Variants in DPP10 observed in about 807,000 individuals in gnomAD.
DPP10 encodes the protein inactive dipeptidyl peptidase 10.
In DPP10, 33 loss-of-function variants were observed where a neutral mutation model predicts 120.9. The ratio of observed to expected loss-of-function variants is 0.27; its 90% confidence interval spans 0.21 to 0.37. DPP10 has a LOEUF of 0.37. Among genes scored for constraint, DPP10 ranks in the 10% least tolerant of loss-of-function variants. DPP10 has a pLI of 1.00. For synonymous variants in DPP10, 337 were observed against 326.1 expected, an observed-to-expected ratio of 1.03 and a Z score of -0.36; for missense variants, 816 against 942.8, an observed-to-expected ratio of 0.87 and a Z score of 1.76.
intron 1 of DPP10, among the ~76,000 whole-genome samples, chr2:115,035,394 T>C (rs1449319064): frequency 6.6e-6 from 1 of 152,220 alleles, no homozygotes; most frequent in Non-Finnish European, 1.5e-5. Flanking sequence ...CAATATCATA[T>C]TTTTACAATA....
intron 1 of DPP10, among the ~76,000 whole-genome samples, chr2:115,014,121 G>A (rs1222344173): frequency 1.3e-5 from 2 of 152,098 alleles, no homozygotes; most frequent in African/African-American, 2.4e-5. Context: ...AAATGCAGAA[G>A]AATGGAAATC....
intron 1 of DPP10, among the ~76,000 whole-genome samples, chr2:114,812,023 A>G (rs986729670): frequency 1.3e-5 from 2 of 152,170 alleles, no homozygotes; most frequent in African/African-American, 4.8e-5. Context: ...ATTTTCCTCT[A>G]TGCGAGTTTC....
intron 5 of DPP10, among the ~76,000 whole-genome samples, chr2:115,569,423 T>G (rs1243406173): frequency 6.6e-6 from 1 of 152,348 alleles, no homozygotes; most frequent in Middle Eastern, 3.4e-3. Flanking sequence ...ATTACAATTC[T>G]GTGGTGTCAT....
intron 5 of DPP10, among the ~76,000 whole-genome samples, chr2:115,610,081 G>A (rs1839141): frequency 0.99 from 150,368 of 152,166 alleles, 74,324 homozygotes; most frequent in East Asian, 1. Flanking sequence ...TGTGAACTGA[G>A]TCTCTCATAA....
intron 1 of DPP10, among the ~76,000 whole-genome samples, chr2:115,073,590 C>T (rs1209267707): frequency 6.6e-6 from 1 of 152,174 alleles, no homozygotes; most frequent in Non-Finnish European, 1.5e-5. Context: ...TCTGGGTCAC[C>T]TTTGCTTTGA....
chr2:114,700,275 T>C (rs1042501852), intron 1 of DPP10, among the ~76,000 whole-genome samples: 1 of 152,068 alleles, frequency 6.6e-6, no homozygotes, highest in African/African-American at 2.4e-5. Context: ...CCTGCCCCTG[T>C]CCCAATGGCT....
intron 5 of DPP10, among the ~76,000 whole-genome samples, chr2:115,615,047 A>G (rs922846138): frequency 1.2e-4 from 18 of 152,338 alleles, no homozygotes; most frequent in African/African-American, 4.1e-4. Flanking sequence ...AATGATTACA[A>G]GCCAACAAAA....
At chr2:115,297,281 C>T (rs2060927983) in intron 1 of DPP10, 1 of 410,328 alleles carries the variant, frequency 2.4e-6, no homozygotes, top group Non-Finnish European at 5.0e-6. Flanking sequence ...AGATGAAAGC[C>T]TTATCTTAAA....
chr2:115,549,833 T>G (rs1042333788), intron 5 of DPP10, among the ~76,000 whole-genome samples: 3 of 152,176 alleles, frequency 2.0e-5, no homozygotes, highest in African/African-American at 7.2e-5. Context: ...TTTGTCTTTA[T>G]CCACCGTCCA....
intron 1 of DPP10, chr2:115,065,504 T>C (rs1471315847): frequency 6.6e-6 from 1 of 151,924 alleles, no homozygotes; most frequent in Non-Finnish European, 1.5e-5. Context: ...TCTTATGTTC[T>C]TTTTTTTCTT....
chr2:115,558,961 C>T (rs1044512067), intron 5 of DPP10, among the ~76,000 whole-genome samples: 2 of 151,980 alleles, frequency 1.3e-5, no homozygotes, highest in Non-Finnish European at 2.9e-5. Context: ...ATGAATTGCC[C>T]GCAGTGAGCT....
intron 10 of DPP10, among the ~76,000 whole-genome samples, chr2:115,748,149 G>T (rs1048308878): frequency 1.3e-5 from 2 of 151,256 alleles, no homozygotes; most frequent in South Asian, 2.1e-4. Flanking sequence ...ATAGCTACCT[G>T]TACAGTTTAA....
chr2:114,776,141 A>T (rs1157317313), intron 1 of DPP10, among the ~76,000 whole-genome samples: 1 of 152,218 alleles, frequency 6.6e-6, no homozygotes, highest in Non-Finnish European at 1.5e-5. Context: ...AAATAAAGAG[A>T]CAAAGTGTTA....
intron 19 of DPP10, among the ~76,000 whole-genome samples, chr2:115,801,458 A>G (rs950126984): frequency 1.3e-5 from 2 of 152,144 alleles, no homozygotes; most frequent in African/African-American, 2.4e-5. Flanking sequence ...CCTGGCCAGA[A>G]CTTCCAACAC....
chr2:114,937,899 A>T (rs1696604027), intron 1 of DPP10, among the ~76,000 whole-genome samples: 1 of 152,328 alleles, frequency 6.6e-6, no homozygotes, highest in South Asian at 2.1e-4. Flanking sequence ...ATTGCTGAAC[A>T]GTCAGTGAAA....
At chr2:114,549,783 T>C (rs754585031) in intron 1 of DPP10, among the ~76,000 whole-genome samples, 1 of 151,190 alleles carries the variant, frequency 6.6e-6, no homozygotes, top group Non-Finnish European at 1.5e-5. Flanking sequence ...GACTCACACA[T>C]GCACTTTGTA....
In DPP10 at chr2:115,842,227, G is replaced by A. The variant is rs1357688030; in HGVS notation, c.2273G>A (p.Gly758Asp). The change falls in exon 26 of 26, where the codon GGT becomes GAT. Residue 758 changes from glycine to aspartate, a missense_variant. By Grantham distance (94) the Gly-to-Asp change is moderately conservative (BLOSUM62 -1). Around this residue, in one of 3 missense-constraint regions of DPP10, gnomAD observed 592 missense variants for 649.0 expected, o/e 0.91. Transcript: ENST00000410059. ...ATATCTTAGGTCTACCCAGATGAAG[G>A]TCATAACGTATCTGAGAAGAGCAAG... ...NYTMQVYPDE[G>D]HNVSEKSKYH... The A allele has an allele frequency of 1.2e-6, 2 of 1,612,812 alleles. No individual in the cohort carries two copies. The highest frequency in any genetic ancestry group is 1.1e-5 in the South Asian group (1 of 90,974).
At chr2:115,395,576 CT>C (rs2067624467) in intron 3 of DPP10, among the ~76,000 whole-genome samples, 1 of 152,158 alleles carries the variant, frequency 6.6e-6, no homozygotes, top group Non-Finnish European at 1.5e-5. Context: ...GTATGCTGCT[CT>C]TTGAAGCTCA....
chr2:114,845,428 T>A (rs1239424427), intron 1 of DPP10, among the ~76,000 whole-genome samples: 1 of 152,132 alleles, frequency 6.6e-6, no homozygotes, highest in Non-Finnish European at 1.5e-5. Flanking sequence ...AAAAAATCTG[T>A]CAGAGTTGAG....
Sources: allele counts gnomAD v4.1 joint callset (sites outside exome capture counted in the v4.1 genomes callset), GRCh38; gene constraint gnomAD v4.1.1; regional missense constraint gnomAD v4.1.1; transcripts MANE v1.5; gene names NCBI Gene and HGNC (gene_info 2026-07-23, HGNC 2026-07-21).